NIPBL: variants seen among roughly 807,000 people sequenced by gnomAD.
NIPBL encodes nipped-B-like protein.
Under a neutral mutation model 321.8 loss-of-function variants are expected in NIPBL, and 19 were observed. The observed-to-expected ratio is 0.06, with a 90% CI of 0.04 to 0.09. The LOEUF is 0.09. Ranked by LOEUF, NIPBL falls within the 10% of genes least tolerant of loss-of-function variation. The pLI, the probability that NIPBL is intolerant of heterozygous loss-of-function variation, is 1.00. For missense variants in NIPBL, 2,210 were observed against 3,327.0 expected (o/e 0.66, Z 8.26); for synonymous variants, 1,106 against 1,114.1 (o/e 0.99, Z 0.14).
Position 36,903,800 on chromosome 5 carries a change from G to A in NIPBL, c.-80+26622G>A, listed in dbSNP as rs547178870. Among the ~76,000 whole-genome samples the A allele has an allele frequency of 4.6e-5, 7 of 152,216 alleles. No homozygotes were observed. In the South Asian group the frequency reaches 1.5e-3, roughly 32 times the overall value. On this transcript the variant is annotated intron_variant, in intron 1 of 46. Transcript: ENST00000282516. ...TTTAAGAAATATTAATATTTGAGGA[G>A]ATACTACACCATCCAAAGATTGCCG...
chr5:36,916,069 G>C lies in NIPBL; in HGVS notation c.-79-37549G>C, dbSNP rs564965851. Among the ~76,000 whole-genome samples, 7 of 152,318 alleles carry C rather than the reference G, an allele frequency of 4.6e-5. No homozygotes were observed. The East Asian group carries it at 1.2e-3, about 25-fold the overall frequency. ...ATGAACTGTCTTTGTCATTTCATTT[G>C]TGGTAGTTGTCCTTTCTTCAAAAAG... On this transcript the variant is annotated intron_variant, in intron 1 of 46. Transcript: ENST00000282516.
chr5:36,923,063 C>T (rs930980328), intron 1 of NIPBL, among the ~76,000 whole-genome samples: 23 of 151,966 alleles, frequency 1.5e-4, no homozygotes, highest in African/African-American at 2.7e-4. Context: ...CCGAGGCGGG[C>T]GGATCACGAG....
intron 1 of NIPBL, among the ~76,000 whole-genome samples, chr5:36,883,170 A>G (rs1233115335): frequency 2.0e-5 from 3 of 151,956 alleles, no homozygotes; most frequent in Non-Finnish European, 4.4e-5. Context: ...AATGTTAAGC[A>G]TTAAAAAAAT....
At chr5:36,990,189 A>G (rs535183302) in intron 10 of NIPBL, among the ~76,000 whole-genome samples, 2 of 152,332 alleles carry the variant, frequency 1.3e-5, no homozygotes, top group East Asian at 1.9e-4. Context: ...AATAGTCAAT[A>G]GCGATTAGCC....
chr5:37,049,269 A>T lies in NIPBL; in HGVS notation c.6922A>T (p.Thr2308Ser), dbSNP rs2149737947. 6.2e-7 allele frequency: 1 copy of T among 1,613,984 alleles called. No individual in the cohort carries two copies. The highest frequency in any genetic ancestry group is 8.5e-7 in the Non-Finnish European group (1 of 1,179,968). Reference sequence around the variant, plus strand: ...CTTTGCCCTAAATGTCATTGCATTGACTCTAAATCAAGGTCTTATTCATCC... The same window carrying T: ...CTTTGCCCTAAATGTCATTGCATTGTCTCTAAATCAAGGTCTTATTCATCC... ...RHFALNVIAL[T>S]LNQGLIHPVQ... Residue 2308 changes from threonine (T) to serine (S), a missense_variant, in exon 40 of 47, where the codon ACT (threonine) becomes TCT (serine). Physicochemically the swap from Thr to Ser is moderately conservative, Grantham distance 58 (BLOSUM62 1). Around this residue, in one of 14 missense-constraint regions of NIPBL, gnomAD observed 112 missense variants for 288.3 expected, o/e 0.39. Transcript: ENST00000282516.
rs759899214 is a variant in NIPBL at position 37,017,142 on chromosome 5, A to G, written c.4900A>G (p.Ile1634Val). Residue 1634 changes from isoleucine (I) to valine (V), a missense_variant, in exon 24 of 47, where the codon ATA (isoleucine) becomes GTA (valine). This residue lies in a region of NIPBL where 138 missense variants were observed against 175.8 expected (regional missense o/e 0.79). Coordinates refer to ENST00000282516, the MANE Select transcript of NIPBL (RefSeq NM_133433.4). ...TACAAGCAAAATGGATCAAGGATCT[A>G]TAGAACGCATTTTAAAACAGGTACT... ...AVTSKMDQGS[I>V]ERILKQVSGG... is the part of the protein sequence containing the mutation. The G allele has an allele frequency of 4.3e-6, 7 of 1,611,784 alleles. No homozygotes were observed. The highest frequency in any genetic ancestry group is 5.9e-6 in the Non-Finnish European group (7 of 1,178,192).
rs1236001895 is a variant in NIPBL at position 37,058,960 on chromosome 5, G to A, written c.7480G>A (p.Glu2494Lys). 6.2e-7 allele frequency: 1 copy of A among 1,613,976 alleles called. No homozygotes were observed. The highest frequency in any genetic ancestry group is 8.5e-7 in the Non-Finnish European group (1 of 1,179,950). Residue 2494 changes from glutamate to lysine, a missense_variant, in exon 44 of 47, where the codon GAA (glutamate) becomes AAA (lysine). Physicochemically the swap from Glu to Lys is moderately conservative, Grantham distance 56. Transcript: ENST00000282516. ...TAAGGAAAATGAGTCAAGCGACAGTGAAGAAGAAGTTTCCAGGCCTCGGAA... is the reference window on the plus strand; with the variant it reads ...TAAGGAAAATGAGTCAAGCGACAGTAAAGAAGAAGTTTCCAGGCCTCGGAA... ...PSKENESSDSEEEVSRPRKSR... is the reference protein window; with the variant it reads ...PSKENESSDSKEEVSRPRKSR...
At chr5:36,897,314 C>G (rs376935904) in intron 1 of NIPBL, among the ~76,000 whole-genome samples, 28 of 152,230 alleles carry the variant, frequency 1.8e-4, no homozygotes, top group East Asian at 9.6e-4. Flanking sequence ...GAATTGCTTT[C>G]TTAATTTTAC....
chr5:36,980,559 T>C (rs1487168225), intron 9 of NIPBL, among the ~76,000 whole-genome samples: 2 of 151,680 alleles, frequency 1.3e-5, no homozygotes, highest in African/African-American at 4.8e-5. Context: ...ACACAGATGC[T>C]TACCATTGTG....
chr5:37,058,729 A>G (rs1280320712), intron 43 of NIPBL, among the ~76,000 whole-genome samples, 162 bp from the exon 44 acceptor site: 1 of 152,206 alleles, frequency 6.6e-6, no homozygotes, highest in Non-Finnish European at 1.5e-5. Context: ...ATTTAGTTTT[A>G]GAAACTATCC....
intron 1 of NIPBL, among the ~76,000 whole-genome samples, chr5:36,920,614 C>T (rs765481376): frequency 5.3e-5 from 8 of 152,022 alleles, no homozygotes; most frequent in Non-Finnish European, 8.8e-5. Flanking sequence ...AAAAAATGTA[C>T]GTGGCATATT....
chr5:37,061,305 C>G (rs1754644827), intron 45 of NIPBL, among the ~76,000 whole-genome samples: 1 of 152,052 alleles, frequency 6.6e-6, no homozygotes, highest in Admixed American at 6.6e-5. Flanking sequence ...TTGTAGTTGT[C>G]CCCTGGTATC....
At chr5:36,923,388 A>T (rs1028382638) in intron 1 of NIPBL, among the ~76,000 whole-genome samples, 13 of 152,056 alleles carry the variant, frequency 8.5e-5, no homozygotes, top group South Asian at 2.1e-4. Context: ...ATATATATAT[A>T]TTTTTTCCTT....
chr5:36,909,328 C>T (rs996008140), intron 1 of NIPBL, among the ~76,000 whole-genome samples: 2 of 152,118 alleles, frequency 1.3e-5, no homozygotes, highest in Non-Finnish European at 1.5e-5. Flanking sequence ...TCACATTGGA[C>T]ATGAATAAAA....
chr5:36,968,095 CAAA>C (rs1194609840), intron 6 of NIPBL, among the ~76,000 whole-genome samples: 1 of 54,190 alleles, frequency 1.8e-5, no homozygotes, highest in Non-Finnish European at 3.6e-5. Flanking sequence ...GACTCTGTCT[CAAA>C]AAAAAAAAAA....
chr5:37,048,415 C>T (rs991463119), intron 38 of NIPBL, 87 bp from the exon 39 acceptor site: 5 of 785,840 alleles, frequency 6.4e-6, no homozygotes, highest in Non-Finnish European at 7.2e-6. Context: ...AATAAGGAGC[C>T]GTTTATATAA....
intron 1 of NIPBL, among the ~76,000 whole-genome samples, chr5:36,934,802 G>T (rs1412716055): frequency 5.3e-5 from 8 of 152,072 alleles, no homozygotes; most frequent in Non-Finnish European, 1.5e-5. Context: ...AGAGCTATAG[G>T]TAGACCTAAG....
rs572427150 is a variant in NIPBL at position 36,982,663 on chromosome 5, CTT to C, written c.1496-2012_1496-2011del. ...AAATATATCATTTCTTTGAAATTAACTTACTGTATTTGCTAAATTTTCATTTT... is the reference window on the plus strand; with the variant it reads ...AAATATATCATTTCTTTGAAATTAACACTGTATTTGCTAAATTTTCATTTT... On this transcript the variant is annotated intron_variant, in intron 9 of 46. Transcript: ENST00000282516. Among the ~76,000 whole-genome samples, 148 of 151,764 alleles carry C rather than the reference CTT, an allele frequency of 9.8e-4. 1 individual carries two copies. The highest frequency in any genetic ancestry group is 3.2e-3 in the African/African-American group (134 of 41,460).
chr5:37,036,603 T>C lies in NIPBL; in HGVS notation c.5971+116T>C. The C allele has an allele frequency of 2.6e-5, 9 of 339,680 alleles. No individual in the cohort carries two copies. The South Asian group carries it at 5.4e-4, about 20-fold the overall frequency. 21.0% of individuals were successfully genotyped at this position (339,680 alleles called of 1,614,324 possible). ...TCTGCTTGTCTAATGATTACTTCAC[T>C]TTTAAATGAAATACATTTTTGTTAT... On this transcript the variant is annotated intron_variant, in intron 33 of 46. Transcript: ENST00000282516.
Sources: allele counts gnomAD v4.1 joint callset (sites outside exome capture counted in the v4.1 genomes callset), GRCh38; gene constraint gnomAD v4.1.1; regional missense constraint gnomAD v4.1.1; transcripts MANE v1.5; gene names NCBI Gene and HGNC (gene_info 2026-07-23, HGNC 2026-07-21).